CIT: variants seen among roughly 807,000 people sequenced by gnomAD.
CIT encodes the protein citron rho-interacting serine/threonine kinase.
Under a neutral mutation model 272.7 loss-of-function variants are expected in CIT, and 79 were observed. The observed-to-expected ratio is 0.29, with a 90% CI of 0.24 to 0.35. CIT has a LOEUF of 0.35. CIT is among the 10% of genes least tolerant of loss of function. The probability of loss-of-function intolerance (pLI) is 1.00; values close to 1 mark genes in which losing one functional copy is unlikely to be tolerated. For missense variants in CIT, 1,909 were observed against 2,618.3 expected (o/e 0.73, Z 5.91); for synonymous variants, 948 against 995.6 (o/e 0.95, Z 0.90).
At position 119,718,069 on chromosome 12, in the gene CIT, A is replaced by T. The variant is rs1957625724; in HGVS notation, c.4168+176T>A. Reference sequence around the variant, plus strand: ...TGGTCAGGCTGGTCTTGAGCTCCCAACTTCAGGTGATCCGCCCACCTCGGC... The same window carrying T: ...TGGTCAGGCTGGTCTTGAGCTCCCATCTTCAGGTGATCCGCCCACCTCGGC... On this transcript the variant is annotated intron_variant, in intron 32 of 47. Transcript: ENST00000392521. The surrounding 1 kb of genome is among the most constrained non-coding windows in gnomAD (Gnocchi z 4.8). Among the ~76,000 whole-genome samples, 1 of 151,666 alleles carries T rather than the reference A, an allele frequency of 6.6e-6. No homozygotes were observed. Among genetic ancestry groups the T allele is most frequent in the Admixed American group, 6.6e-5 (1 of 15,238 alleles).
At chr12:119,868,916 C>T in intron 3 of CIT, 144 bp downstream of exon 3, 1 of 918,354 alleles carries the variant, frequency 1.1e-6, no homozygotes. Flanking sequence ...ATAAGAGGTG[C>T]AGCCTGAATT....
chr12:119,790,574 T>TGA (rs1017734664), intron 10 of CIT, among the ~76,000 whole-genome samples: 6 of 151,938 alleles, frequency 3.9e-5, no homozygotes, highest in Non-Finnish European at 7.4e-5. Flanking sequence ...AGCGTGTGTG[T>TGA]GAGAGAGAGA....
Position 119,687,865 on chromosome 12 carries a change from TA to T in CIT, c.*366del, listed in dbSNP as rs1317559147. 4.0e-6 allele frequency: 1 copy of T among 248,072 alleles called. No individual in the cohort carries two copies. The highest frequency in any genetic ancestry group is 7.6e-6 in the Non-Finnish European group (1 of 131,460). 15.4% of individuals were successfully genotyped at this position (248,072 alleles called of 1,614,324 possible). ...GAAAAACCAACCAATCCTAGGATCT[TA>T]AAGTAGCTAATTAGGATTCTAACCA... On this transcript the variant is annotated 3_prime_UTR_variant, in exon 48 of 48. Transcript: ENST00000392521.
intron 5 of CIT, 132 bp from the exon 6 acceptor site, chr12:119,834,360 C>T (rs544506092): frequency 4.0e-5 from 30 of 755,302 alleles, no homozygotes; most frequent in East Asian, 8.0e-5. Flanking sequence ...GTGTAAGGCA[C>T]GCTGTAAGTC....
chr12:119,717,626 G>A (rs538307139), intron 32 of CIT, among the ~76,000 whole-genome samples: 38 of 150,196 alleles, frequency 2.5e-4, no homozygotes, highest in African/African-American at 8.5e-4. Flanking sequence ...TCACCATGTT[G>A]GCCAGGCTGG....
intron 4 of CIT, among the ~76,000 whole-genome samples, chr12:119,857,089 T>A (rs868049231): frequency 6.6e-6 from 1 of 152,198 alleles, no homozygotes; most frequent in African/African-American, 2.4e-5. Context: ...CCTAGCCACA[T>A]AACAAAGAAT....
At chr12:119,704,559 C>T in intron 40 of CIT, 104 bp from the exon 41 acceptor site, 2 of 972,310 alleles carry the variant, frequency 2.1e-6, no homozygotes, top group Non-Finnish European at 3.2e-6. Flanking sequence ...ATGATTCAGA[C>T]CAGATCATTC....
chr12:119,771,075 C>T (rs1006861386), intron 17 of CIT, among the ~76,000 whole-genome samples, 165 bp from the exon 18 acceptor site: 2 of 152,192 alleles, frequency 1.3e-5, no homozygotes, highest in Admixed American at 6.5e-5. Flanking sequence ...AATCTAGGTA[C>T]TCAGTTGTGT....
intron 9 of CIT, 25 bp from the exon 10 acceptor site, chr12:119,803,414 AGGCGGGGAG>A: frequency 6.6e-7 from 1 of 1,506,578 alleles, no homozygotes. Flanking sequence ...ACAAGAAAGG[AGGCGGGGAG>A]GAAAAAAAAT....
chr12:119,856,700 C>T (rs1950180931), intron 4 of CIT, among the ~76,000 whole-genome samples: 1 of 152,160 alleles, frequency 6.6e-6, no homozygotes, highest in African/African-American at 2.4e-5. Flanking sequence ...TCACCCACAA[C>T]ATCTCCCCTC....
intron 30 of CIT, 83 bp downstream of exon 30, chr12:119,720,395 G>A (rs1168614130): frequency 3.3e-6 from 3 of 898,884 alleles, no homozygotes; most frequent in Admixed American, 5.3e-5. Context: ...ATGTTCCTAT[G>A]ATCATATATC....
Position 119,704,289 on chromosome 12 carries a change from A to T in CIT, c.5304+74T>A, listed in dbSNP as rs983728195. On this transcript the variant is annotated intron_variant, in intron 41 of 47. Coordinates refer to ENST00000392521, the MANE Select transcript of CIT (RefSeq NM_001206999.2). ...TACAGGCTGTGTCCCAGGACAGTGC[A>T]CTTTCCACACTGGCTCGCTGAGAGA... 5.7e-6 allele frequency: 8 copies of T among 1,404,698 alleles called. No individual in the cohort carries two copies. The African/African-American group carries it at 9.9e-5, about 17-fold the overall frequency. The allele number at this position is 1,404,698 out of a possible 1,614,324, so 87.0% of individuals were successfully genotyped here. A position where few individuals can be genotyped will look rare whatever the true frequency, so the allele number is the denominator to read the frequency against.
intron 41 of CIT, among the ~76,000 whole-genome samples, chr12:119,702,374 A>G (rs1015060755): frequency 5.9e-5 from 9 of 152,128 alleles, no homozygotes; most frequent in African/African-American, 2.2e-4. Context: ...ACTGCAGCCA[A>G]AAAAAGGTGG....
chr12:119,739,417 A>C (rs758030316), intron 24 of CIT, among the ~76,000 whole-genome samples: 1 of 152,136 alleles, frequency 6.6e-6, no homozygotes, highest in East Asian at 1.9e-4. Flanking sequence ...GAACTCCCAT[A>C]ATAACTCATT....
At chr12:119,850,935 A>G (rs1002565641) in intron 4 of CIT, among the ~76,000 whole-genome samples, 1 of 152,254 alleles carries the variant, frequency 6.6e-6, no homozygotes, top group Non-Finnish European at 1.5e-5. Context: ...CAAAGACAGT[A>G]GATTGGATGC....
At chr12:119,839,003 T>G (rs550304419) in intron 5 of CIT, among the ~76,000 whole-genome samples, 5 of 152,326 alleles carry the variant, frequency 3.3e-5, no homozygotes, top group African/African-American at 1.2e-4. Context: ...CGAGCCTGGC[T>G]TGGAGCTATA....
At chr12:119,845,127 AT>A (rs111765154) in intron 5 of CIT, among the ~76,000 whole-genome samples, 6 of 152,042 alleles carry the variant, frequency 3.9e-5, no homozygotes, top group African/African-American at 7.2e-5. Context: ...CTCAAAAAAA[AT>A]AAACCAAAAA....
rs941563111 is a variant in CIT, at chr12:119,803,354, C to G, written c.1147G>C (p.Asp383His). The G allele has an allele frequency of 3.1e-6, 5 of 1,598,856 alleles. No individual in the cohort carries two copies. Among genetic ancestry groups the G allele is most frequent in the Non-Finnish European group, 4.3e-6 (5 of 1,173,524 alleles). The change falls in exon 10 of 48, where the codon GAT becomes CAT. Residue 383 changes from aspartate to histidine, a missense_variant. Asp to His is a moderately conservative substitution (Grantham distance 81). Around this residue, in one of 8 missense-constraint regions of CIT, gnomAD observed 529 missense variants for 549.6 expected, o/e 0.96. Transcript: ENST00000392521. ...PPFVPTLKSD[D>H]DTSNFDEPEK... ...GGTTCATCAAAATTGGAGGTGTCAT[C>G]GTCAGACTTGAGGGTGGGAACGAAG...
chr12:119,713,773 C>G lies in CIT; in HGVS notation c.4307-125G>C, dbSNP rs572912929. Reference sequence around the variant, plus strand: ...GCCCAGAGAGTCTGGCCCTGGCTTGCAGGTAGTCTCCTGAGCTTCCCCTGG... The same window carrying G: ...GCCCAGAGAGTCTGGCCCTGGCTTGGAGGTAGTCTCCTGAGCTTCCCCTGG... On this transcript the variant is annotated intron_variant, in intron 33 of 47. Coordinates refer to ENST00000392521, the MANE Select transcript of CIT (RefSeq NM_001206999.2). The surrounding 1 kb of genome is among the most constrained non-coding windows in gnomAD (Gnocchi z 5.2). The G allele has an allele frequency of 6.1e-5, 62 of 1,010,338 alleles. No individual in the cohort carries two copies. In the South Asian group the frequency reaches 8.6e-4, roughly 14 times the overall value. 62.6% of individuals were successfully genotyped at this position (1,010,338 alleles called of 1,614,324 possible).
Sources: gnomAD v4.1 joint callset for allele counts (sites outside exome capture counted in the v4.1 genomes callset) on GRCh38, gnomAD v4.1.1 for gene constraint, gnomAD v4.1.1 regional missense constraint, Gnocchi (gnomAD v3.1) non-coding constraint, MANE v1.5 for transcripts, NCBI Gene and HGNC (gene_info 2026-07-23, HGNC 2026-07-21) for gene names.